The following ANKS1A variants were observed in gnomAD, a reference collection of about 807,000 sequenced individuals.
The protein encoded by ANKS1A is ankyrin repeat and sterile alpha motif domain containing 1A.
ANKS1A carries 55 observed loss-of-function variants against 120.3 expected under a neutral mutation model. That is an observed-to-expected ratio of 0.46 (90% CI 0.37 to 0.57). The LOEUF is 0.57. Ranked by LOEUF, ANKS1A falls within the 20% of genes least tolerant of loss-of-function variation. The probability of loss-of-function intolerance (pLI) is 0.00; values close to 1 mark genes in which losing one functional copy is unlikely to be tolerated. For missense variants in ANKS1A, 1,123 were observed against 1,480.3 expected (o/e 0.76, Z 3.96); for synonymous variants, 590 against 604.7 (o/e 0.98, Z 0.36).
chr6:34,901,985 A>G (rs1381610801), intron 1 of ANKS1A, among the ~76,000 whole-genome samples: 2 of 152,230 alleles, frequency 1.3e-5, no homozygotes, highest in Non-Finnish European at 2.9e-5. Flanking sequence ...GTAATAGAAT[A>G]GGCCTATTAC....
At chr6:35,081,884 G>T (rs1170340744) in intron 17 of ANKS1A, among the ~76,000 whole-genome samples, 1 of 152,188 alleles carries the variant, frequency 6.6e-6, no homozygotes, top group Non-Finnish European at 1.5e-5. Context: ...TCAGACACAG[G>T]ATTAGCAGGT....
intron 11 of ANKS1A, among the ~76,000 whole-genome samples, chr6:35,031,208 C>G (rs1432015620): frequency 6.6e-6 from 1 of 152,164 alleles, no homozygotes; most frequent in Non-Finnish European, 1.5e-5. Flanking sequence ...CCTGGAGATA[C>G]AGCTCAGCCT....
At chr6:34,941,474 C>T (rs1199139766) in intron 1 of ANKS1A, among the ~76,000 whole-genome samples, 1 of 151,794 alleles carries the variant, frequency 6.6e-6, no homozygotes, top group East Asian at 1.9e-4. Context: ...AGCTATGTTG[C>T]CTAGGCTGGT....
chr6:34,970,076 C>T lies in ANKS1A; in HGVS notation c.345C>T (p.Tyr115=). The T allele has an allele frequency of 6.2e-7, 1 of 1,614,140 alleles. No individual in the cohort carries two copies. ...ACGTGGCTGACTCAAAAGGCTGCTA[C>T]CCTCTGCATTTGGCAGCCTGGAAAG... ...LTNVADSKGC[Y]PLHLAAWKGD... is the part of the protein sequence containing the mutation. Residue 115 remains tyrosine (Y), a synonymous_variant, in exon 3 of 24, where the codon TAC becomes TAT. Coordinates refer to ENST00000360359, the MANE Select transcript of ANKS1A (RefSeq NM_015245.3).
intron 11 of ANKS1A, among the ~76,000 whole-genome samples, chr6:35,038,616 G>A (rs933910335): frequency 1.3e-5 from 2 of 152,090 alleles, no homozygotes; most frequent in Non-Finnish European, 1.5e-5. Flanking sequence ...CCAGTAGGTA[G>A]GACTATAGGC....
chr6:34,963,235 C>G (rs1333634004), intron 1 of ANKS1A, among the ~76,000 whole-genome samples: 1 of 152,088 alleles, frequency 6.6e-6, no homozygotes, highest in Non-Finnish European at 1.5e-5. Context: ...TTGAATTTAT[C>G]CCTCCTGACT....
chr6:34,910,559 G>A (rs1031891585), intron 1 of ANKS1A, among the ~76,000 whole-genome samples: 1 of 150,574 alleles, frequency 6.6e-6, no homozygotes, highest in African/African-American at 2.4e-5. Context: ...GCCAGACTCT[G>A]CCTCATAAAA....
At chr6:34,995,231 T>C (rs1561899986) in intron 10 of ANKS1A, among the ~76,000 whole-genome samples, 3 of 152,212 alleles carry the variant, frequency 2.0e-5, no homozygotes, top group Admixed American at 6.5e-5. Context: ...TGAAATGCCC[T>C]TTGCTGAGAT....
chr6:34,999,235 A>C (rs1773022423), intron 10 of ANKS1A, among the ~76,000 whole-genome samples: 1 of 151,896 alleles, frequency 6.6e-6, no homozygotes, highest in Non-Finnish European at 1.5e-5. Context: ...TGGTCTTGGG[A>C]ATTTGCCTCT....
intron 11 of ANKS1A, among the ~76,000 whole-genome samples, chr6:35,041,123 T>C (rs1290026063): frequency 2.0e-5 from 3 of 152,258 alleles, no homozygotes; most frequent in Non-Finnish European, 4.4e-5. Flanking sequence ...AAATAACAGT[T>C]GTCCTGGGTC....
chr6:34,928,250 C>T (rs1201509825), intron 1 of ANKS1A, among the ~76,000 whole-genome samples: 2 of 152,184 alleles, frequency 1.3e-5, no homozygotes, highest in African/African-American at 2.4e-5. Flanking sequence ...CTCTGCGTAG[C>T]CCTCCTGCTT....
chr6:34,937,640 T>G (rs1005856573), intron 1 of ANKS1A, among the ~76,000 whole-genome samples: 2 of 152,128 alleles, frequency 1.3e-5, no homozygotes, highest in Non-Finnish European at 2.9e-5. Context: ...GGCTAAATTT[T>G]GCTGAATCAA....
chr6:34,984,382 T>G (rs1185008135), intron 7 of ANKS1A, among the ~76,000 whole-genome samples: 1 of 151,370 alleles, frequency 6.6e-6, no homozygotes, highest in African/African-American at 2.4e-5. Context: ...CCCAGAGGAG[T>G]GCAGGGAGAT....
intron 2 of ANKS1A, 107 bp from the exon 3 acceptor site, chr6:34,969,903 C>A: frequency 7.5e-7 from 1 of 1,339,154 alleles, no homozygotes; most frequent in Non-Finnish European, 1.0e-6. Flanking sequence ...GACACAGGAG[C>A]CAAATGAGAT....
At chr6:34,963,889 T>C (rs1180212026) in intron 1 of ANKS1A, among the ~76,000 whole-genome samples, 2 of 152,248 alleles carry the variant, frequency 1.3e-5, no homozygotes, top group South Asian at 2.1e-4. Flanking sequence ...TTTTTTCATA[T>C]ACCTATTGGC....
chr6:35,023,100 A>G (rs1322116770), intron 11 of ANKS1A, among the ~76,000 whole-genome samples: 1 of 152,050 alleles, frequency 6.6e-6, no homozygotes, highest in African/African-American at 2.4e-5. Flanking sequence ...TTGTCCCTCT[A>G]CTGAAAGCCA....
At chr6:35,095,615 C>A (rs903634713), downstream of ANKS1A, among the ~76,000 whole-genome samples, 73 of 72,790 alleles carry the variant, frequency 1.0e-3, no homozygotes, top group African/African-American at 1.5e-3. Flanking sequence ...AGAGAAACAA[C>A]AAAAAACAAC....
rs369574641 is a variant in ANKS1A, at chr6:35,070,565, C to G, written c.2185-7993C>G. Reference sequence around the variant, plus strand: ...AGTACAGTGGTACAACCTCGGCTCACTGCAAGCTCTGCCTCCCAGGTTCAT... The same window carrying G: ...AGTACAGTGGTACAACCTCGGCTCAGTGCAAGCTCTGCCTCCCAGGTTCAT... On this transcript the variant is annotated intron_variant, in intron 13 of 23. Transcript: ENST00000360359. Among the ~76,000 whole-genome samples the G allele has an allele frequency of 2.1e-5, 3 of 139,792 alleles. No individual in the cohort carries two copies. The East Asian group carries it at 6.6e-4, about 31-fold the overall frequency. 91.7% of individuals were successfully genotyped at this position (139,792 alleles called of 152,430 possible).
intron 3 of ANKS1A, among the ~76,000 whole-genome samples, chr6:34,978,996 C>T (rs887557716): frequency 1.4e-4 from 21 of 151,382 alleles, no homozygotes; most frequent in African/African-American, 3.9e-4. Context: ...CCTGGGTTCA[C>T]GCCATTCTCT....
Sources: gnomAD v4.1 joint callset for allele counts (sites outside exome capture counted in the v4.1 genomes callset) on GRCh38, gnomAD v4.1.1 for gene constraint, MANE v1.5 for transcripts, NCBI Gene and HGNC (gene_info 2026-07-23, HGNC 2026-07-21) for gene names.